THSD7B: variants seen among roughly 807,000 people sequenced by gnomAD.
The protein encoded by THSD7B is thrombospondin type 1 domain containing 7B, also known as thrombospondin type-1 domain-containing protein 7B.
A neutral mutation model predicts 213.6 loss-of-function variants in THSD7B; 138 were observed. That is an observed-to-expected ratio of 0.65 (90% CI 0.56 to 0.74). The LOEUF (loss-of-function observed/expected upper bound fraction) is 0.74. Among genes scored for constraint, THSD7B ranks in the 30% least tolerant of loss-of-function variants. The probability of loss-of-function intolerance (pLI) is 0.00; values close to 1 mark genes in which losing one functional copy is unlikely to be tolerated. For missense variants in THSD7B, 1,931 were observed against 1,991.5 expected (o/e 0.97, Z 0.58); for synonymous variants, 742 against 687.0 (o/e 1.08, Z -1.25).
rs756902666 is a variant in THSD7B, at chr2:137,587,723, G to T, written c.3423+15167G>T. Among the ~76,000 whole-genome samples the T allele has an allele frequency of 4.6e-5, 7 of 152,334 alleles. 1 individual carries two copies. In the Middle Eastern group the frequency reaches 0.02, roughly 444 times the overall value. On this transcript the variant is annotated intron_variant, in intron 17 of 27. Transcript: ENST00000409968. Reference sequence around the variant, plus strand: ...CTTTGTCTCAGAGGGGTACCTGGCCGTGTGAGGTGTCAATCTGCCCCTACT... The same window carrying T: ...CTTTGTCTCAGAGGGGTACCTGGCCTTGTGAGGTGTCAATCTGCCCCTACT...
At position 137,488,981 on chromosome 2, in the gene THSD7B, T is replaced by G. The variant is rs1474180431; in HGVS notation, c.3138+37958T>G. ...CAGATTTTAGGGATAAAGTTGAAAT[T>G]TCATCTGTGCCAACATAATTTTCCA... is the stretch of plus-strand genomic sequence containing the variant. On this transcript the variant is annotated intron_variant, in intron 15 of 27. Transcript: ENST00000409968. Among the ~76,000 whole-genome samples, 5 of 152,200 alleles carry G rather than the reference T, an allele frequency of 3.3e-5. 1 individual carries two copies. In the East Asian group the frequency reaches 9.6e-4, roughly 29 times the overall value.
chr2:137,442,932 T>C (rs111616212), intron 14 of THSD7B, among the ~76,000 whole-genome samples: 9,023 of 152,234 alleles, frequency 0.059, 305 homozygotes, highest in African/African-American at 0.088. Context: ...CTCGGTAATA[T>C]TGGGTTATTT....
intron 4 of THSD7B, among the ~76,000 whole-genome samples, chr2:137,108,402 G>T (rs1688293016): frequency 6.6e-6 from 1 of 152,060 alleles, no homozygotes; most frequent in African/African-American, 2.4e-5. Context: ...GCTAATTTAG[G>T]ATGCCTCTAC....
chr2:137,435,008 A>G (rs1434366210), intron 14 of THSD7B, among the ~76,000 whole-genome samples: 1 of 152,114 alleles, frequency 6.6e-6, no homozygotes, highest in Non-Finnish European at 1.5e-5. Flanking sequence ...TTTACTTTTT[A>G]TGTCCATCTT....
chr2:137,530,234 T>C (rs977155102), intron 15 of THSD7B, among the ~76,000 whole-genome samples: 1 of 152,054 alleles, frequency 6.6e-6, no homozygotes. Context: ...TGTTTATAAC[T>C]GGAAAATTGA....
rs112724088 is a variant in THSD7B, at chr2:137,418,201, G to T, written c.2959+6329G>T. Among the ~76,000 whole-genome samples the T allele has an allele frequency of 9.4e-4, 143 of 152,228 alleles. 1 individual carries two copies. Among genetic ancestry groups the T allele is most frequent in the African/African-American group, 3.3e-3 (135 of 41,538 alleles). On this transcript the variant is annotated intron_variant, in intron 14 of 27. Coordinates refer to ENST00000409968, the MANE Select transcript of THSD7B (RefSeq NM_001316349.2). ...TCTCCAGCCCTGTTGCTCTGCCTTA[G>T]TTCAGGCTACTTTATGTTTATTGTA...
In THSD7B at chr2:137,115,122, A is replaced by T; in HGVS notation, c.1200-2A>T. The T allele has an allele frequency of 6.2e-7, 1 of 1,613,970 alleles. No homozygotes were observed. The highest frequency in any genetic ancestry group is 8.5e-7 in the Non-Finnish European group (1 of 1,179,870). On this transcript the variant is annotated splice_acceptor_variant, in intron 4 of 27. Transcript: ENST00000409968. LOFTEE classifies it high-confidence loss of function. ...TTCTTTTAAATAAACCAAACCAAAC[A>T]GGTATTCCTGGAGAACTTCTGAATG...
At chr2:137,070,057 A>T (rs1374754890) in intron 3 of THSD7B, among the ~76,000 whole-genome samples, 1 of 151,806 alleles carries the variant, frequency 6.6e-6, no homozygotes, top group Admixed American at 6.6e-5. Flanking sequence ...ATGTTTCTAA[A>T]AATAAAAAAT....
At chr2:137,189,282 A>C (rs987304575) in intron 7 of THSD7B, among the ~76,000 whole-genome samples, 1 of 152,172 alleles carries the variant, frequency 6.6e-6, no homozygotes, top group African/African-American at 2.4e-5. Flanking sequence ...CTCCCTATCA[A>C]AGGGTTTTCA....
chr2:137,329,524 C>A (rs1684446720), intron 12 of THSD7B, among the ~76,000 whole-genome samples: 1 of 152,028 alleles, frequency 6.6e-6, no homozygotes, highest in African/African-American at 2.4e-5. Context: ...TGCCACTATC[C>A]CCAATTAATT....
chr2:137,302,995 A>C (rs1349119456), intron 12 of THSD7B, among the ~76,000 whole-genome samples: 1 of 152,078 alleles, frequency 6.6e-6, no homozygotes, highest in East Asian at 1.9e-4. Flanking sequence ...ACACAGAGGC[A>C]CTTCTTTATT....
At chr2:137,235,457 T>C (rs1352024021) in intron 9 of THSD7B, among the ~76,000 whole-genome samples, 1 of 152,194 alleles carries the variant, frequency 6.6e-6, no homozygotes, top group Non-Finnish European at 1.5e-5. Flanking sequence ...CAAAGGGGCA[T>C]TAGAATTGAG....
chr2:136,909,064 T>G (rs1684217146), intron 2 of THSD7B, among the ~76,000 whole-genome samples: 1 of 152,006 alleles, frequency 6.6e-6, no homozygotes, highest in Non-Finnish European at 1.5e-5. Flanking sequence ...GTCCCTGTAG[T>G]CCCAGCTACT....
intron 1 of THSD7B, among the ~76,000 whole-genome samples, chr2:136,872,862 GTAA>G (rs1377837127): frequency 7.2e-6 from 1 of 139,250 alleles, no homozygotes; most frequent in African/African-American, 2.7e-5. Flanking sequence ...GCAGGCACCT[GTAA>G]TCCCAGCTAC....
At chr2:137,392,738 C>A (rs1686062973) in intron 12 of THSD7B, among the ~76,000 whole-genome samples, 2 of 151,960 alleles carry the variant, frequency 1.3e-5, no homozygotes, top group African/African-American at 4.8e-5. Flanking sequence ...TAAATTTAAT[C>A]CATCTATGTC....
chr2:137,134,423 G>A (rs11692163), intron 5 of THSD7B, among the ~76,000 whole-genome samples: 4,784 of 152,220 alleles, frequency 0.031, 120 homozygotes, highest in Admixed American at 0.059. Flanking sequence ...TAAGATTCTT[G>A]GGGACGAAAG....
At chr2:137,314,094 C>A (rs1341016413) in intron 12 of THSD7B, among the ~76,000 whole-genome samples, 1 of 152,176 alleles carries the variant, frequency 6.6e-6, no homozygotes, top group Non-Finnish European at 1.5e-5. Flanking sequence ...TAATATCCTG[C>A]AGAGTGTTTT....
intron 9 of THSD7B, among the ~76,000 whole-genome samples, chr2:137,239,670 A>C (rs972978011): frequency 3.3e-5 from 5 of 152,104 alleles, no homozygotes; most frequent in Admixed American, 3.3e-4. Flanking sequence ...CATTTCCACT[A>C]CTTCCTCTCC....
At chr2:136,976,089 G>A (rs141739511) in intron 2 of THSD7B, among the ~76,000 whole-genome samples, 66 of 152,292 alleles carry the variant, frequency 4.3e-4, no homozygotes, top group African/African-American at 1.5e-3. Flanking sequence ...CTGAGACGAT[G>A]GGGTTTTCTA....
Sources: gnomAD v4.1 joint callset for allele counts (sites outside exome capture counted in the v4.1 genomes callset) on GRCh38, gnomAD v4.1.1 for gene constraint, MANE v1.5 for transcripts, NCBI Gene and HGNC (gene_info 2026-07-23, HGNC 2026-07-21) for gene names.